The following E2F3 variants were observed in gnomAD, a reference collection of about 807,000 sequenced individuals.
E2F3 encodes the protein transcription factor E2F3.
In E2F3, 11 loss-of-function variants were observed where a neutral mutation model predicts 44.4. The ratio of observed to expected loss-of-function variants is 0.25; its 90% CI spans 0.16 to 0.41. E2F3 has a LOEUF of 0.41. Among genes scored for constraint, E2F3 ranks in the 10% least tolerant of loss-of-function variants. E2F3 has a pLI of 1.00. For synonymous variants in E2F3, 249 were observed against 253.0 expected (o/e 0.98, Z 0.15); for missense variants, 487 against 583.6 (o/e 0.83, Z 1.70).
intron 1 of E2F3, among the ~76,000 whole-genome samples, chr6:20,435,116 C>T (rs1055786108): frequency 2.6e-5 from 4 of 152,170 alleles, no homozygotes; most frequent in African/African-American, 9.7e-5. Context: ...CCAGCAACAG[C>T]TCTTTGAAGT....
intron 1 of E2F3, among the ~76,000 whole-genome samples, chr6:20,414,789 T>C (rs1212964522): frequency 1.3e-5 from 2 of 152,246 alleles, no homozygotes; most frequent in South Asian, 2.1e-4. Flanking sequence ...GGAGGCAAGG[T>C]TTTCAGCTTT....
chr6:20,449,690 G>T (rs1239138590), intron 1 of E2F3, among the ~76,000 whole-genome samples: 4 of 152,082 alleles, frequency 2.6e-5, no homozygotes, highest in African/African-American at 9.7e-5. Context: ...GTGTCATGAA[G>T]GTTTGTTGTA....
rs572345281 is a variant in E2F3 at position 20,491,007 on chromosome 6, G to C, written c.*577G>C. ...CATAATTCAGTTTAAGCTATGAACT[G>C]TGTGTCCCAGTAGGAGGTCAAGAAA... On this transcript the variant is annotated 3_prime_UTR_variant, in exon 7 of 7. Coordinates refer to ENST00000346618, the MANE Select transcript of E2F3 (RefSeq NM_001949.5). 2 of 228,916 alleles carry C rather than the reference G, an allele frequency of 8.7e-6. No individual in the cohort carries two copies. The highest frequency in any genetic ancestry group is 2.2e-5 in the African/African-American group (1 of 45,236). 14.2% of individuals were successfully genotyped at this position (228,916 alleles called of 1,614,324 possible).
rs201254207 is a variant in E2F3, at chr6:20,493,567, AC to A, written c.*3138del. ...AATATGTAATATAATGTAAAAAAAAACAAAAAAAAGCTTTTATGATGGATTT... is the reference window on the plus strand; with the variant it reads ...AATATGTAATATAATGTAAAAAAAAAAAAAAAAAGCTTTTATGATGGATTT... On this transcript the variant is annotated 3_prime_UTR_variant, in exon 7 of 7. Coordinates refer to ENST00000346618, the MANE Select transcript of E2F3 (RefSeq NM_001949.5). 30,341 of 195,828 alleles carry A rather than the reference AC, an allele frequency of 0.15. 2,440 individuals carry two copies. The highest frequency in any genetic ancestry group is 0.25 in the East Asian group (2,716 of 10,794). 12.1% of individuals were successfully genotyped at this position (195,828 alleles called of 1,614,324 possible). A position where few individuals can be genotyped will look rare whatever the true frequency, so the allele number is the denominator to read the frequency against.
intron 1 of E2F3, among the ~76,000 whole-genome samples, chr6:20,432,577 T>C (rs1279336047): frequency 6.6e-6 from 1 of 152,226 alleles, no homozygotes; most frequent in Admixed American, 6.5e-5. Context: ...TGTGGTCGGA[T>C]GATTACAGCT....
At position 20,491,854 on chromosome 6, in the gene E2F3, A is replaced by T. The variant is rs1220345109; in HGVS notation, c.*1424A>T. ...ACAATGCCAGGGTGTCTCCCGCTTT[A>T]CTCTTCAGGAATGGTGTCCCAAGTT... On this transcript the variant is annotated 3_prime_UTR_variant, in exon 7 of 7. Coordinates refer to ENST00000346618, the MANE Select transcript of E2F3 (RefSeq NM_001949.5). 1 of 179,292 alleles carries T rather than the reference A, an allele frequency of 5.6e-6. No homozygotes were observed. The highest frequency in any genetic ancestry group is 2.4e-5 in the African/African-American group (1 of 42,208). The allele number at this position is 179,292 out of a possible 1,614,324, so 11.1% of individuals were successfully genotyped here.
At chr6:20,434,822 G>A (rs1029061436) in intron 1 of E2F3, among the ~76,000 whole-genome samples, 1 of 152,158 alleles carries the variant, frequency 6.6e-6, no homozygotes, top group South Asian at 2.1e-4. Context: ...CCCACCATGG[G>A]CAGTACTAAG....
chr6:20,482,590 GA>G lies in E2F3; in HGVS notation c.726-162del, dbSNP rs372496935. ...GTGAAAAGTGCAGAACTGTATTTAT[GA>G]AAAAAAAAATATATATATATATATA... On this transcript the variant is annotated intron_variant, in intron 3 of 6. Coordinates refer to ENST00000346618, the MANE Select transcript of E2F3 (RefSeq NM_001949.5). 6.1e-3 allele frequency among the ~76,000 whole-genome samples: 832 copies of G among 135,616 alleles called. 6 individuals are homozygous for G. The highest frequency in any genetic ancestry group is 0.021 in the African/African-American group (778 of 37,412). 89.0% of individuals were successfully genotyped at this position (135,616 alleles called of 152,430 possible).
intron 1 of E2F3, among the ~76,000 whole-genome samples, chr6:20,406,023 T>C (rs949516561): frequency 1.3e-5 from 2 of 152,178 alleles, no homozygotes; most frequent in African/African-American, 4.8e-5. Context: ...AGCTAAGTGA[T>C]TGGCTGAACA....
At chr6:20,406,240 G>C (rs1407854550) in intron 1 of E2F3, among the ~76,000 whole-genome samples, 3 of 152,114 alleles carry the variant, frequency 2.0e-5, no homozygotes, top group Admixed American at 6.5e-5. Flanking sequence ...TTTACAAATT[G>C]TATGTTCATT....
chr6:20,417,037 G>T (rs1292270055), intron 1 of E2F3, among the ~76,000 whole-genome samples: 2 of 152,116 alleles, frequency 1.3e-5, no homozygotes, highest in Non-Finnish European at 2.9e-5. Context: ...CTTTTCTCCA[G>T]ACTTCTGGCA....
chr6:20,456,172 C>T (rs902749852), intron 1 of E2F3, among the ~76,000 whole-genome samples: 5 of 151,996 alleles, frequency 3.3e-5, no homozygotes, highest in African/African-American at 9.7e-5. Flanking sequence ...TGTGAAACTT[C>T]AGATACGCTC....
At chr6:20,465,107 C>T (rs539213600) in intron 1 of E2F3, among the ~76,000 whole-genome samples, 2 of 152,190 alleles carry the variant, frequency 1.3e-5, no homozygotes, top group Admixed American at 1.3e-4. Context: ...GCTCCCATAT[C>T]GAGGAGTCCC....
chr6:20,475,970 C>T lies in E2F3; in HGVS notation c.394-3876C>T, dbSNP rs149126767. On this transcript the variant is annotated intron_variant, in intron 1 of 6. Coordinates refer to ENST00000346618, the MANE Select transcript of E2F3 (RefSeq NM_001949.5). The stretch of plus-strand genomic sequence containing the variant: ...ACAAGAAGTGACCAACACACTCTGC[C>T]ACTCTCTAACAAGGCCTGCCAACTC... 1.1e-3 allele frequency among the ~76,000 whole-genome samples: 166 copies of T among 152,294 alleles called. 2 individuals carry two copies. The South Asian group carries it at 0.016, about 14-fold the overall frequency.
chr6:20,439,502 G>C (rs1445991040), intron 1 of E2F3, among the ~76,000 whole-genome samples: 1 of 152,086 alleles, frequency 6.6e-6, no homozygotes, highest in East Asian at 1.9e-4. Context: ...GCAGTGACAT[G>C]TCCCTCTGCA....
At chr6:20,404,807 G>A (rs1410544920) in intron 1 of E2F3, among the ~76,000 whole-genome samples, 1 of 152,118 alleles carries the variant, frequency 6.6e-6, no homozygotes, top group African/African-American at 2.4e-5. Flanking sequence ...GGTGTGCTGG[G>A]TTTTCAGTCG....
chr6:20,429,444 C>T (rs1167863296), intron 1 of E2F3, among the ~76,000 whole-genome samples: 1 of 152,174 alleles, frequency 6.6e-6, no homozygotes, highest in Admixed American at 6.5e-5. Flanking sequence ...CACTATGTTA[C>T]ACTATTCCCC....
chr6:20,471,516 G>A (rs150631300), intron 1 of E2F3, among the ~76,000 whole-genome samples: 2,977 of 152,278 alleles, frequency 0.02, 64 homozygotes, highest in East Asian at 0.059. Flanking sequence ...AGGAGGCAGA[G>A]GTTGCAGTGA....
At chr6:20,451,568 T>C (rs1468893543) in intron 1 of E2F3, among the ~76,000 whole-genome samples, 1 of 152,198 alleles carries the variant, frequency 6.6e-6, no homozygotes, top group Non-Finnish European at 1.5e-5. Flanking sequence ...TCTTGACTGA[T>C]TGCTCTGGCC....
Sources: allele counts gnomAD v4.1 joint callset (sites outside exome capture counted in the v4.1 genomes callset), GRCh38; gene constraint gnomAD v4.1.1; transcripts MANE v1.5; gene names NCBI Gene and HGNC (gene_info 2026-07-23, HGNC 2026-07-21).